The following REV3L variants were observed in gnomAD, a reference collection of about 807,000 sequenced individuals.
REV3L encodes the protein REV3 like, DNA directed polymerase zeta catalytic subunit.
A neutral mutation model predicts 299.4 loss-of-function variants in REV3L; 69 were observed. The ratio of observed to expected loss-of-function variants is 0.23; its 90% CI spans 0.19 to 0.28. REV3L has a LOEUF of 0.28. REV3L is among the 10% of genes least tolerant of loss of function. The pLI is 1.00. For synonymous variants in REV3L, 1,238 were observed against 1,271.4 expected (o/e 0.97, Z 0.56); for missense variants, 3,128 against 3,693.8 (o/e 0.85, Z 3.97).
At chr6:111,453,212 T>C (rs1789760524) in intron 1 of REV3L, among the ~76,000 whole-genome samples, 1 of 152,116 alleles carries the variant, frequency 6.6e-6, no homozygotes, top group Admixed American at 6.5e-5. Flanking sequence ...CACTCTTAGG[T>C]AAAAATAAGA....
rs779848710 is a variant in REV3L, at chr6:111,299,603, A to G, written c.*413T>C. 12 of 153,252 alleles carry G rather than the reference A, an allele frequency of 7.8e-5. No homozygotes were observed. The highest frequency in any genetic ancestry group is 2.1e-4 in the South Asian group (1 of 4,840). The allele number at this position is 153,252 out of a possible 1,614,324, so 9.5% of individuals were successfully genotyped here. On this transcript the variant is annotated 3_prime_UTR_variant, in exon 32 of 32. Transcript: ENST00000368802. ...GTATTTACAAAATATTTTGCAGTCA[A>G]AATTATAAAGTGAATGGATATCTCG...
intron 9 of REV3L, among the ~76,000 whole-genome samples, chr6:111,384,668 T>C (rs996865479): frequency 6.6e-6 from 1 of 152,186 alleles, no homozygotes; most frequent in African/African-American, 2.4e-5. Context: ...GTACAGCCAC[T>C]ATGGAGAACA....
At chr6:111,476,262 C>T (rs910286497) in intron 1 of REV3L, among the ~76,000 whole-genome samples, 16 of 152,114 alleles carry the variant, frequency 1.1e-4, no homozygotes, top group African/African-American at 3.9e-4. Context: ...CTCAAGCGAT[C>T]CTCCTGCCTC....
chr6:111,397,607 A>G (rs971177293), intron 4 of REV3L, among the ~76,000 whole-genome samples: 9 of 152,154 alleles, frequency 5.9e-5, no homozygotes, highest in Admixed American at 6.5e-5. Flanking sequence ...AATGTTCTGT[A>G]AATGTCTGTT....
rs1780133000 is a variant in REV3L at position 111,374,788 on chromosome 6, C to T, written c.3567G>A (p.Lys1189=). The T allele has an allele frequency of 3.1e-6, 5 of 1,611,908 alleles. No individual in the cohort carries two copies. The Admixed American group carries it at 8.4e-5, about 27-fold the overall frequency. ...TTGTCTGATTTCGTTTGTTCCTTTT[C>T]TTAGTAACTATAGAGGGATTAGCAA... ...AKLANPSIVT[K]KRNKRNQTNK... The change falls in exon 13 of 32, where the codon AAG becomes AAA. Residue 1189 remains lysine, a synonymous_variant. Coordinates refer to ENST00000368802, the MANE Select transcript of REV3L (RefSeq NM_001372078.1).
chr6:111,299,402 TAAA>T lies in REV3L; in HGVS notation c.*611_*613del, dbSNP rs3049440. On this transcript the variant is annotated 3_prime_UTR_variant, in exon 32 of 32. Transcript: ENST00000368802. ...ATAGCTAAAGCAAGACAGCATTTTT[TAAA>T]AAAAAATAATGTTTCAAAATGCTAC... The T allele has an allele frequency of 0.73, 110,640 of 151,938 alleles. 41,471 individuals are homozygous for T. The highest frequency in any genetic ancestry group is 0.82 in the Non-Finnish European group (55,685 of 67,834). The allele number at this position is 151,938 out of a possible 1,614,324, so 9.4% of individuals were successfully genotyped here. A position where few individuals can be genotyped will look rare whatever the true frequency, so the allele number is the denominator to read the frequency against.
chr6:111,426,622 T>A (rs983038826), intron 1 of REV3L, among the ~76,000 whole-genome samples: 9 of 152,332 alleles, frequency 5.9e-5, no homozygotes, highest in Non-Finnish European at 1.0e-4. Flanking sequence ...AACAGTAGTT[T>A]GATGATTAAT....
intron 1 of REV3L, among the ~76,000 whole-genome samples, chr6:111,456,323 G>C (rs1406117961): frequency 6.6e-6 from 1 of 152,186 alleles, no homozygotes; most frequent in African/African-American, 2.4e-5. Flanking sequence ...CTGTTCTCAA[G>C]TATGTGCTGG....
intron 9 of REV3L, among the ~76,000 whole-genome samples, chr6:111,382,720 T>G (rs986689921): frequency 1.3e-5 from 2 of 152,158 alleles, no homozygotes; most frequent in Non-Finnish European, 2.9e-5. Context: ...TCAGAGCCAG[T>G]AGACTTGGGG....
chr6:111,360,431 A>G (rs1297632944), intron 16 of REV3L, among the ~76,000 whole-genome samples: 1 of 147,202 alleles, frequency 6.8e-6, no homozygotes, highest in Admixed American at 6.7e-5. Context: ...TTTGGTATAT[A>G]TACTATTGCA....
At chr6:111,359,527 A>AG (rs1435923625) in intron 16 of REV3L, among the ~76,000 whole-genome samples, 8 of 150,288 alleles carry the variant, frequency 5.3e-5, no homozygotes, top group Non-Finnish European at 1.2e-4. Flanking sequence ...CCTGAAAAAA[A>AG]AAAAAAAAAA....
chr6:111,438,432 C>T (rs1787850195), intron 1 of REV3L, among the ~76,000 whole-genome samples: 1 of 149,778 alleles, frequency 6.7e-6, no homozygotes, highest in Admixed American at 6.6e-5. Flanking sequence ...CAGAATCTTG[C>T]TATGTTGCCC....
At chr6:111,378,165 G>A (rs455726) in intron 11 of REV3L, among the ~76,000 whole-genome samples, 60,641 of 151,988 alleles carry the variant, frequency 0.4, 14,622 homozygotes, top group Non-Finnish European at 0.54. Context: ...ATAAAAAGAT[G>A]AGTGAAGGGG....
At chr6:111,437,124 T>C (rs545414381) in intron 1 of REV3L, among the ~76,000 whole-genome samples, 9 of 152,342 alleles carry the variant, frequency 5.9e-5, no homozygotes, top group Non-Finnish European at 1.3e-4. Context: ...GGAAATTTCA[T>C]ACACTACTTC....
At position 111,367,859 on chromosome 6, in the gene REV3L, T is replaced by G. The variant is rs552105546; in HGVS notation, c.5929A>C (p.Asn1977His). 6.2e-7 allele frequency: 1 copy of G among 1,614,188 alleles called. No homozygotes were observed. The highest frequency in any genetic ancestry group is 2.2e-5 in the East Asian group (1 of 44,876). Residue 1977 changes from asparagine (N) to histidine (H), a missense_variant, in exon 14 of 32, where the codon AAT becomes CAT. This residue lies in a region of REV3L where 2,409 missense variants were observed against 2,611.8 expected (regional missense o/e 0.92). Transcript: ENST00000368802. Reference sequence around the variant, plus strand: ...TTAGGGCTATTACTTGACCCTTTATTGACAACTCCTTGGCCACTGCGAAGG... The same window carrying G: ...TTAGGGCTATTACTTGACCCTTTATGGACAACTCCTTGGCCACTGCGAAGG... ...SPLRSGQGVV[N>H]KGSSNSPKMV...
intron 1 of REV3L, among the ~76,000 whole-genome samples, chr6:111,450,709 G>A (rs540567037): frequency 3.3e-5 from 5 of 152,080 alleles, no homozygotes; most frequent in African/African-American, 1.2e-4. Context: ...AATGAGAAAA[G>A]CTGTACATTT....
rs897298063 is a variant in REV3L at position 111,373,930 on chromosome 6, C to T, written c.4425G>A (p.Lys1475=). Residue 1475 remains lysine (K), a synonymous_variant, in exon 13 of 32, where the codon AAG becomes AAA. Transcript: ENST00000368802. Reference sequence around the variant, plus strand: ...ACATATCTAAAATAAAGCCCCTTTGCTTTTGCTCCCATGCTATTTGTTTGA... The same window carrying T: ...ACATATCTAAAATAAAGCCCCTTTGTTTTTGCTCCCATGCTATTTGTTTGA... ...SPIKQIAWEQ[K]QRGFILDMSN... is the part of the protein sequence containing the mutation. 2.5e-6 allele frequency: 4 copies of T among 1,613,938 alleles called. No homozygotes were observed. The highest frequency in any genetic ancestry group is 1.7e-6 in the Non-Finnish European group (2 of 1,179,964).
At chr6:111,424,459 G>A (rs561390531) in intron 1 of REV3L, among the ~76,000 whole-genome samples, 5 of 152,308 alleles carry the variant, frequency 3.3e-5, no homozygotes, top group East Asian at 3.9e-4. Context: ...GAAATTAAAG[G>A]TTTGCAACAA....
intron 2 of REV3L, chr6:111,411,970 GC>G (rs1784295148): frequency 2.0e-6 from 2 of 985,034 alleles, no homozygotes; most frequent in South Asian, 9.4e-5. Context: ...AGACCTTTCA[GC>G]CGCCTTCTTC....
Sources: allele counts gnomAD v4.1 joint callset (sites outside exome capture counted in the v4.1 genomes callset), GRCh38; gene constraint gnomAD v4.1.1; regional missense constraint gnomAD v4.1.1; transcripts MANE v1.5; gene names NCBI Gene and HGNC (gene_info 2026-07-23, HGNC 2026-07-21).